TRANK1: variants seen among roughly 807,000 people sequenced by gnomAD.
TRANK1 encodes the protein tetratricopeptide repeat and ankyrin repeat containing 1.
In TRANK1, 198 loss-of-function variants were observed where a neutral mutation model predicts 266.0. The observed-to-expected ratio is 0.74, with a 90% CI of 0.66 to 0.84. TRANK1 has a LOEUF of 0.84. TRANK1 is among the 40% of genes least tolerant of loss of function. TRANK1 has a pLI of 0.00. For missense variants in TRANK1, 3,326 were observed against 3,634.6 expected (o/e 0.92, Z 2.18); for synonymous variants, 1,396 against 1,384.1 (o/e 1.01, Z -0.19).
At chr3:36,942,322 T>G (rs1411722246) in intron 1 of TRANK1, among the ~76,000 whole-genome samples, 1 of 151,958 alleles carries the variant, frequency 6.6e-6, no homozygotes, top group Non-Finnish European at 1.5e-5. Flanking sequence ...GACTAACAAG[T>G]GATGGCCTTT....
intron 18 of TRANK1, among the ~76,000 whole-genome samples, chr3:36,841,671 TAG>T (rs1466594038): frequency 1.3e-5 from 2 of 150,976 alleles, no homozygotes; most frequent in African/African-American, 4.9e-5. Context: ...ATAAAAAAAA[TAG>T]AGAGATCAAT....
At chr3:36,896,563 A>T (rs1446716526) in intron 4 of TRANK1, among the ~76,000 whole-genome samples, 1 of 152,220 alleles carries the variant, frequency 6.6e-6, no homozygotes, top group Non-Finnish European at 1.5e-5. Context: ...TCATCTTAAG[A>T]AGTCCTGTTA....
chr3:36,840,706 G>A (rs2078832422), intron 18 of TRANK1, among the ~76,000 whole-genome samples: 1 of 152,186 alleles, frequency 6.6e-6, no homozygotes. Flanking sequence ...TGCTGGAGGA[G>A]GAAAGAAATG....
At position 36,928,564 on chromosome 3, in the gene TRANK1, G is replaced by A. The variant is rs1247004947; in HGVS notation, c.23+16223C>T. On this transcript the variant is annotated intron_variant, in intron 1 of 23. Coordinates refer to ENST00000645898, the MANE Select transcript of TRANK1 (RefSeq NM_001329998.2). ...TTTAATTACACTAATACTGCTTTATGACTTGATGTTTACAGGCTTAAATTA... is the reference window on the plus strand; with the variant it reads ...TTTAATTACACTAATACTGCTTTATAACTTGATGTTTACAGGCTTAAATTA... Among the ~76,000 whole-genome samples, 3 of 152,172 alleles carry A rather than the reference G, an allele frequency of 2.0e-5. No homozygotes were observed. In the East Asian group the frequency reaches 5.8e-4, roughly 29 times the overall value.
In TRANK1 at chr3:36,857,732, G is replaced by A; in HGVS notation, c.1990C>T (p.Leu664=). Residue 664 remains leucine (L), a synonymous_variant, in exon 13 of 24, where the codon CTG becomes TTG. Coordinates refer to ENST00000645898, the MANE Select transcript of TRANK1 (RefSeq NM_001329998.2). This position sits in a 1 kb window ranked among gnomAD's most constrained non-coding sequence, Gnocchi z 4.3. The part of the protein sequence containing the change: ...RRSRQDSAAH[L]GKLSKSTAPG... Reference sequence around the variant, plus strand: ...GCAGTGGACTTTGAGAGCTTCCCCAGGTGGGCAGCAGAGTCCTGCCGGCTC... The same window carrying A: ...GCAGTGGACTTTGAGAGCTTCCCCAAGTGGGCAGCAGAGTCCTGCCGGCTC... 6.2e-7 allele frequency: 1 copy of A among 1,614,012 alleles called. No individual in the cohort carries two copies. Among genetic ancestry groups the A allele is most frequent in the Non-Finnish European group, 8.5e-7 (1 of 1,179,904 alleles).
At chr3:36,918,880 A>G (rs1371522836) in intron 1 of TRANK1, among the ~76,000 whole-genome samples, 1 of 152,162 alleles carries the variant, frequency 6.6e-6, no homozygotes, top group African/African-American at 2.4e-5. Flanking sequence ...CCAAGATACT[A>G]ATTACTTACA....
In TRANK1 at chr3:36,852,003, G is replaced by A. The variant is rs1449704841; in HGVS notation, c.4749+143C>T. The A allele has an allele frequency of 2.9e-6, 4 of 1,363,266 alleles. No individual in the cohort carries two copies. The East Asian group carries it at 1.0e-4, about 34-fold the overall frequency. 84.4% of individuals were successfully genotyped at this position (1,363,266 alleles called of 1,614,324 possible). A position where few individuals can be genotyped will look rare whatever the true frequency, so the allele number is the denominator to read the frequency against. On this transcript the variant is annotated intron_variant, in intron 14 of 23. Transcript: ENST00000645898. The stretch of plus-strand genomic sequence containing the variant: ...GGCCAGGGGAAAGATTGAAACACTT[G>A]GTCACTCAGCCATCTCTGGAACTCA...
chr3:36,924,811 C>T (rs566754629), intron 1 of TRANK1, among the ~76,000 whole-genome samples: 81 of 152,312 alleles, frequency 5.3e-4, no homozygotes, highest in African/African-American at 1.9e-3. Flanking sequence ...CCCCCTCTGC[C>T]ACAAGCTTGG....
intron 15 of TRANK1, chr3:36,850,231 G>A: frequency 3.0e-6 from 3 of 985,402 alleles, no homozygotes; most frequent in Non-Finnish European, 3.6e-6. Context: ...GTCCTCAGAG[G>A]TAAAAATGGT....
intron 1 of TRANK1, among the ~76,000 whole-genome samples, chr3:36,937,939 C>T (rs1006435371): frequency 3.4e-4 from 52 of 152,208 alleles, no homozygotes; most frequent in South Asian, 2.1e-4. Context: ...CTTCTCCAAG[C>T]CTCTATGTAG....
chr3:36,834,818 T>C lies in TRANK1; in HGVS notation c.5607A>G (p.Ala1869=), dbSNP rs1166155891. 1.9e-6 allele frequency: 3 copies of C among 1,613,728 alleles called. No individual in the cohort carries two copies. The African/African-American group carries it at 4.0e-5, about 22-fold the overall frequency. The change falls in exon 21 of 24, where the codon GCA becomes GCG. Residue 1869 remains alanine (A), a synonymous_variant. Transcript: ENST00000645898. ...CFEQIQEFDL[A]LKMYCQEELF... ...GCTCCTCTTGGCAGTACATTTTGAG[T>C]GCTAGATCAAATTCCTGAATCTGCT...
chr3:36,873,468 G>A (rs778307278), intron 9 of TRANK1, among the ~76,000 whole-genome samples: 18 of 152,182 alleles, frequency 1.2e-4, no homozygotes, highest in South Asian at 2.1e-4. Flanking sequence ...GACATTTGGC[G>A]ATTCCTTTCT....
chr3:36,897,381 C>T (rs1274990328), intron 4 of TRANK1, among the ~76,000 whole-genome samples: 3 of 152,172 alleles, frequency 2.0e-5, no homozygotes, highest in East Asian at 1.9e-4. Flanking sequence ...CTACTGTTGG[C>T]AAAAGACTGA....
At chr3:36,847,371 A>G (rs1388378210) in intron 15 of TRANK1, 25 bp from the exon 16 acceptor site, 1 of 1,611,868 alleles carries the variant, frequency 6.2e-7, no homozygotes, top group South Asian at 1.1e-5. Flanking sequence ...AAAAGTGAAG[A>G]CCAACAGAAT....
chr3:36,841,362 T>C (rs2078841580), intron 18 of TRANK1, among the ~76,000 whole-genome samples: 1 of 152,234 alleles, frequency 6.6e-6, no homozygotes, highest in Non-Finnish European at 1.5e-5. Flanking sequence ...CCAGATCCAG[T>C]TGTTGTTTCA....
chr3:36,923,882 G>A (rs758217886), intron 1 of TRANK1, among the ~76,000 whole-genome samples: 1 of 152,192 alleles, frequency 6.6e-6, no homozygotes, highest in Non-Finnish European at 1.5e-5. Flanking sequence ...TAACCATCCT[G>A]GTGCTCTCCA....
At chr3:36,840,512 T>C (rs187603838) in intron 18 of TRANK1, among the ~76,000 whole-genome samples, 179 of 152,292 alleles carry the variant, frequency 1.2e-3, no homozygotes, top group Non-Finnish European at 2.3e-3. Context: ...TTCCAGCTTC[T>C]CCCATCAAGA....
chr3:36,898,413 C>T (rs1384088330), intron 4 of TRANK1, among the ~76,000 whole-genome samples: 1 of 151,312 alleles, frequency 6.6e-6, no homozygotes, highest in African/African-American at 2.4e-5. Flanking sequence ...CGTGCCATTG[C>T]ACTCCAGCCT....
intron 3 of TRANK1, among the ~76,000 whole-genome samples, chr3:36,902,130 C>G (rs1027216673): frequency 1.3e-5 from 2 of 151,798 alleles, no homozygotes; most frequent in African/African-American, 2.4e-5. Context: ...AAAAAATAAC[C>G]GCAAAAAAAA....
Sources: allele counts gnomAD v4.1 joint callset (sites outside exome capture counted in the v4.1 genomes callset), GRCh38; gene constraint gnomAD v4.1.1; non-coding constraint Gnocchi (gnomAD v3.1); transcripts MANE v1.5; gene names NCBI Gene and HGNC (gene_info 2026-07-23, HGNC 2026-07-21).